The following SLIT1 variants were observed in gnomAD, a reference collection of about 807,000 sequenced individuals.
SLIT1 encodes the protein slit homolog 1 protein.
SLIT1 carries 66 observed loss-of-function variants against 186.1 expected under a neutral mutation model. That is an observed-to-expected ratio of 0.35 (90% CI 0.29 to 0.44). The LOEUF (loss-of-function observed/expected upper bound fraction) is 0.44, where lower values mean the gene tolerates loss of function less well. SLIT1 is among the 20% of genes least tolerant of loss of function. The pLI, the probability that SLIT1 is intolerant of heterozygous loss-of-function variation, is 1.00. For synonymous variants in SLIT1, 761 were observed against 833.8 expected, an observed-to-expected ratio of 0.91 and a Z score of 1.50; for missense variants, 1,638 against 2,037.4, an observed-to-expected ratio of 0.80 and a Z score of 3.77.
intron 1 of SLIT1, among the ~76,000 whole-genome samples, chr10:97,172,595 G>A (rs111816255): frequency 7.6e-4 from 116 of 152,156 alleles, no homozygotes; most frequent in Non-Finnish European, 1.1e-3. Context: ...TCCCTACTCC[G>A]AAAATAAAAA....
At position 97,162,617 on chromosome 10, in the gene SLIT1, A is replaced by G. The variant is rs186896961; in HGVS notation, c.341+763T>C. ...GACACAGCAAGACTTGGTCTCAAAAATAAATAAATAATAAAGTGCAATTAA... is the reference window on the plus strand; with the variant it reads ...GACACAGCAAGACTTGGTCTCAAAAGTAAATAAATAATAAAGTGCAATTAA... On this transcript the variant is annotated intron_variant, in intron 3 of 36. Transcript: ENST00000266058. Among the ~76,000 whole-genome samples, 274 of 152,288 alleles carry G rather than the reference A, an allele frequency of 1.8e-3. 6 individuals carry two copies. The highest frequency in any genetic ancestry group is 6.4e-3 in the African/African-American group (267 of 41,534).
intron 1 of SLIT1, among the ~76,000 whole-genome samples, chr10:97,179,575 G>C (rs1024405707): frequency 1.3e-5 from 2 of 152,202 alleles, no homozygotes; most frequent in African/African-American, 2.4e-5. Context: ...GGCCATTCTC[G>C]TACTGAAGCC....
At position 97,060,770 on chromosome 10, in the gene SLIT1, G is replaced by A. The variant is rs772450910; in HGVS notation, c.811C>T (p.Arg271Cys). ...FSCSGQGEAG[R>C]VPTCTLSSGS... is the part of the protein sequence containing the mutation. ...GAGGACAGGGTGCAGGTGGGCACGCGCCCCGCTTCTCCCTGGCCTGCAGAA... is the reference window on the plus strand; with the variant it reads ...GAGGACAGGGTGCAGGTGGGCACGCACCCCGCTTCTCCCTGGCCTGCAGAA... The change falls in exon 9 of 37, where the codon CGC (arginine) becomes TGC (cysteine). Residue 271 changes from arginine to cysteine, a missense_variant. Around this residue, in one of 3 missense-constraint regions of SLIT1, gnomAD observed 1,245 missense variants for 1,535.3 expected, o/e 0.81. Coordinates refer to ENST00000266058, the MANE Select transcript of SLIT1 (RefSeq NM_003061.3). The A allele has an allele frequency of 3.6e-5, 58 of 1,606,920 alleles. No homozygotes were observed. Among genetic ancestry groups the A allele is most frequent in the Non-Finnish European group, 4.6e-5 (54 of 1,176,784 alleles).
chr10:97,120,538 G>T (rs911976621), intron 4 of SLIT1, among the ~76,000 whole-genome samples: 4 of 152,168 alleles, frequency 2.6e-5, no homozygotes, highest in Non-Finnish European at 5.9e-5. Context: ...TTCCTGACTC[G>T]CAATGCTGCT....
At chr10:97,013,933 G>T (rs2134594247) in intron 29 of SLIT1, 86 bp downstream of exon 29, 1 of 1,571,304 alleles carries the variant, frequency 6.4e-7, no homozygotes, top group South Asian at 1.2e-5. Context: ...ACTGAGGCAG[G>T]GATCCCCTTC....
chr10:97,132,618 A>C (rs529870587), intron 4 of SLIT1, among the ~76,000 whole-genome samples: 68 of 152,336 alleles, frequency 4.5e-4, no homozygotes, highest in African/African-American at 1.6e-3. Context: ...CTCTGACAGA[A>C]TCTAAAATGC....
At chr10:97,032,512 T>C (rs528022715) in intron 23 of SLIT1, among the ~76,000 whole-genome samples, 2 of 150,150 alleles carry the variant, frequency 1.3e-5, no homozygotes, top group East Asian at 3.9e-4. Flanking sequence ...GAGGTTGCAG[T>C]GAGCCAAAAT....
At chr10:97,073,988 C>T (rs1422665831) in intron 4 of SLIT1, among the ~76,000 whole-genome samples, 3 of 152,100 alleles carry the variant, frequency 2.0e-5, no homozygotes, top group African/African-American at 4.8e-5. Flanking sequence ...ACCCAGGAAA[C>T]GCTATTTATC....
intron 34 of SLIT1, 105 bp downstream of exon 34, chr10:97,003,963 A>G: frequency 9.3e-7 from 1 of 1,077,108 alleles, no homozygotes; most frequent in African/African-American, 1.6e-5. Context: ...CACCAGGATC[A>G]TCTTCCCACT....
intron 4 of SLIT1, among the ~76,000 whole-genome samples, chr10:97,141,791 T>C (rs1413337130): frequency 1.3e-5 from 2 of 151,696 alleles, no homozygotes; most frequent in African/African-American, 4.9e-5. Context: ...TGTATTGTAC[T>C]GTATTGTATT....
At chr10:97,110,322 C>T (rs901202077) in intron 4 of SLIT1, among the ~76,000 whole-genome samples, 2 of 152,150 alleles carry the variant, frequency 1.3e-5, no homozygotes, top group South Asian at 2.1e-4. Context: ...AATTCCACTC[C>T]CAGGTATTCA....
At chr10:97,050,980 G>A (rs866560418) in intron 13 of SLIT1, among the ~76,000 whole-genome samples, 5 of 149,618 alleles carry the variant, frequency 3.3e-5, no homozygotes, top group African/African-American at 1.2e-4. Flanking sequence ...CACTCAAGAG[G>A]AAGAAAAAAA....
intron 25 of SLIT1, among the ~76,000 whole-genome samples, chr10:97,025,229 C>T (rs192202545): frequency 4.5e-4 from 69 of 152,250 alleles, no homozygotes; most frequent in African/African-American, 1.5e-3. Flanking sequence ...GAGCTGAGAT[C>T]GGACCACTGA....
intron 4 of SLIT1, chr10:97,154,594 C>T (rs953019408): frequency 1.3e-5 from 2 of 152,226 alleles, no homozygotes; most frequent in African/African-American, 4.8e-5. Context: ...GAAACACCCC[C>T]CCAAAGGGCT....
At chr10:97,163,692 C>T (rs977220398) in intron 2 of SLIT1, among the ~76,000 whole-genome samples, 3 of 152,246 alleles carry the variant, frequency 2.0e-5, no homozygotes, top group Admixed American at 2.0e-4. Context: ...TACCTCACCA[C>T]AAAATGCACT....
At chr10:97,003,668 C>T (rs1427611431) in intron 34 of SLIT1, among the ~76,000 whole-genome samples, 2 of 152,160 alleles carry the variant, frequency 1.3e-5, no homozygotes, top group Non-Finnish European at 2.9e-5. Context: ...CCGAGGCAGT[C>T]CCTGGTTGAT....
intron 22 of SLIT1, among the ~76,000 whole-genome samples, chr10:97,035,217 C>A (rs1848628472): frequency 1.3e-5 from 2 of 152,192 alleles, no homozygotes. Flanking sequence ...CTGGTAGAAG[C>A]TTCCTTTGTA....
chr10:97,130,817 G>A (rs1849645739), intron 4 of SLIT1, among the ~76,000 whole-genome samples: 1 of 152,184 alleles, frequency 6.6e-6, no homozygotes, highest in African/African-American at 2.4e-5. Context: ...CACCACACCA[G>A]CACCGCTATT....
At chr10:97,007,018 T>C (rs1848365266) in intron 31 of SLIT1, among the ~76,000 whole-genome samples, 1 of 152,198 alleles carries the variant, frequency 6.6e-6, no homozygotes, top group Admixed American at 6.5e-5. Context: ...TCAATAACTC[T>C]GCAAGGCAGA....
Sources: allele counts gnomAD v4.1 joint callset (sites outside exome capture counted in the v4.1 genomes callset), GRCh38; gene constraint gnomAD v4.1.1; regional missense constraint gnomAD v4.1.1; transcripts MANE v1.5; gene names NCBI Gene and HGNC (gene_info 2026-07-23, HGNC 2026-07-21).